The following PCDHA6 variants were observed in gnomAD, a reference collection of about 807,000 sequenced individuals.
The protein encoded by PCDHA6 is protocadherin alpha 6.
A neutral mutation model predicts 60.3 loss-of-function variants in PCDHA6; 55 were observed. The observed-to-expected ratio is 0.91, with a 90% CI of 0.73 to 1.14. The LOEUF is 1.14. Among genes scored for constraint, PCDHA6 ranks in the 50% most tolerant of loss-of-function variants. The pLI is 0.00. For missense variants in PCDHA6, 1,327 were observed against 1,256.5 expected (o/e 1.06, Z -0.85); for synonymous variants, 652 against 557.9 (o/e 1.17, Z -2.38).
At chr5:140,956,717 A>C (rs2153710827) in intron 1 of PCDHA6, among the ~76,000 whole-genome samples, 1 of 152,308 alleles carries the variant, frequency 6.6e-6, no homozygotes. Flanking sequence ...CTTCAGAAGA[A>C]TTGGTACCAG....
At chr5:140,905,333 T>A (rs180881008) in intron 1 of PCDHA6, among the ~76,000 whole-genome samples, 2 of 152,324 alleles carry the variant, frequency 1.3e-5, no homozygotes, top group Admixed American at 1.3e-4. Flanking sequence ...TTGTTGAAGA[T>A]CAGTTGGCTG....
chr5:140,923,986 G>A (rs1482099424), intron 1 of PCDHA6, among the ~76,000 whole-genome samples: 2 of 152,074 alleles, frequency 1.3e-5, no homozygotes, highest in African/African-American at 2.4e-5. Flanking sequence ...ATCCCTCTAG[G>A]TGCAGCTCAG....
intron 1 of PCDHA6, chr5:140,857,853 A>G (rs782574851): frequency 1.3e-6 from 2 of 1,597,574 alleles, no homozygotes; most frequent in East Asian, 2.2e-5. Flanking sequence ...GACTCTGGAT[A>G]CAACGCGTGG....
chr5:140,898,456 C>G (rs1333861280), intron 1 of PCDHA6, among the ~76,000 whole-genome samples: 2 of 152,134 alleles, frequency 1.3e-5, no homozygotes, highest in African/African-American at 2.4e-5. Flanking sequence ...AATCCTTTCC[C>G]CATTGCTTGT....
At chr5:140,881,147 A>G (rs982102013) in intron 1 of PCDHA6, among the ~76,000 whole-genome samples, 3 of 152,238 alleles carry the variant, frequency 2.0e-5, no homozygotes, top group Non-Finnish European at 4.4e-5. Context: ...ATAACAATAG[A>G]TAAAAGTAAG....
intron 1 of PCDHA6, chr5:140,870,291 G>A (rs372143455): frequency 3.2e-5 from 52 of 1,614,052 alleles, no homozygotes; most frequent in Non-Finnish European, 3.6e-5. Context: ...CCTTCAAGCT[G>A]GTGTCCACCT....
chr5:141,010,006 T>C lies in PCDHA6; in HGVS notation c.*69T>C. The stretch of plus-strand genomic sequence containing the variant: ...ATGGCAAATCTCTCCCATGTAGCAA[T>C]TCCCTGCTCCTTTTTCCTATCTACA... On this transcript the variant is annotated 3_prime_UTR_variant, in exon 4 of 4. Transcript: ENST00000529310. 1 of 1,572,424 alleles carries C rather than the reference T, an allele frequency of 6.4e-7. No individual in the cohort carries two copies. Among genetic ancestry groups the C allele is most frequent in the Non-Finnish European group, 8.6e-7 (1 of 1,163,442 alleles).
intron 1 of PCDHA6, chr5:140,877,946 C>A: frequency 7.4e-7 from 1 of 1,349,556 alleles, no homozygotes; most frequent in Non-Finnish European, 9.7e-7. Flanking sequence ...TTTAAACTAT[C>A]GAATGTCTCA....
intron 1 of PCDHA6, among the ~76,000 whole-genome samples, chr5:140,954,919 C>T (rs246021): frequency 4.6e-5 from 7 of 151,890 alleles, no homozygotes; most frequent in African/African-American, 1.7e-4. Flanking sequence ...TTATGAATTA[C>T]GTCTTTAATT....
chr5:140,846,269 G>T (rs1676658281), intron 1 of PCDHA6, among the ~76,000 whole-genome samples: 1 of 148,838 alleles, frequency 6.7e-6, no homozygotes, highest in Admixed American at 6.7e-5. Context: ...ATGATTTAAA[G>T]TCAATTTATG....
chr5:140,857,882 T>A, intron 1 of PCDHA6: 1 of 1,597,334 alleles, frequency 6.3e-7, no homozygotes, highest in Non-Finnish European at 8.6e-7. Flanking sequence ...TGAATTGCAG[T>A]CGGCGGCGGT....
chr5:140,982,286 A>C, intron 2 of PCDHA6, 189 bp from the exon 3 acceptor site: 1 of 1,075,236 alleles, frequency 9.3e-7, no homozygotes, highest in Non-Finnish European at 1.3e-6. Flanking sequence ...GCAGGCAATA[A>C]GTAAGTCAGC....
At chr5:140,957,029 T>G (rs782472701) in intron 1 of PCDHA6, among the ~76,000 whole-genome samples, 4 of 152,190 alleles carry the variant, frequency 2.6e-5, no homozygotes, top group African/African-American at 4.8e-5. Flanking sequence ...TTTAGATATT[T>G]ATGGGAGTCA....
At chr5:140,853,227 T>C in intron 1 of PCDHA6, 1 of 983,234 alleles carries the variant, frequency 1.0e-6, no homozygotes, top group Non-Finnish European at 1.2e-6. Context: ...GATTGGTAAT[T>C]TAGTCCTTCA....
chr5:140,883,865 T>C, intron 1 of PCDHA6: 2 of 1,613,076 alleles, frequency 1.2e-6, no homozygotes, highest in East Asian at 2.2e-5. Flanking sequence ...GCTGTTGCAG[T>C]TCCAGGTGAG....
chr5:140,828,903 A>C lies in PCDHA6; in HGVS notation c.812A>C (p.Glu271Ala). 6.2e-7 allele frequency: 1 copy of C among 1,614,256 alleles called. No homozygotes were observed. ...VIRLNASDRD[E>A]GANGAISYSF... ...AGACTGAATGCTTCTGATCGGGATG[A>C]AGGAGCGAATGGGGCAATTTCATAT... Residue 271 changes from glutamate (E) to alanine (A), a missense_variant, in exon 1 of 4, where the codon GAA becomes GCA. Transcript: ENST00000529310.
Position 140,836,160 on chromosome 5 carries a change from A to G in PCDHA6, c.2394+5675A>G, listed in dbSNP as rs1774254627. On this transcript the variant is annotated intron_variant, in intron 1 of 3. Transcript: ENST00000529310. ...TGTGGGCGCGGGCCATGTGGTGGCG[A>G]AGGTACGTGCAGTTGACGCTGACTC... 6.2e-7 allele frequency: 1 copy of G among 1,613,780 alleles called. No homozygotes were observed. The highest frequency in any genetic ancestry group is 1.7e-5 in the Admixed American group (1 of 60,020).
chr5:140,934,741 T>TATG (rs2090025323), intron 1 of PCDHA6, among the ~76,000 whole-genome samples: 1 of 152,144 alleles, frequency 6.6e-6, no homozygotes, highest in Non-Finnish European at 1.5e-5. Flanking sequence ...TAGGTGTCAT[T>TATG]ATGAACTCAT....
At chr5:140,835,998 G>C in intron 1 of PCDHA6, 1 of 1,613,382 alleles carries the variant, frequency 6.2e-7, no homozygotes, top group African/African-American at 1.3e-5. Flanking sequence ...GAGCGCGCGC[G>C]ATGCGGGCGT....
Sources: allele counts gnomAD v4.1 joint callset (sites outside exome capture counted in the v4.1 genomes callset), GRCh38; gene constraint gnomAD v4.1.1; transcripts MANE v1.5; gene names NCBI Gene and HGNC (gene_info 2026-07-23, HGNC 2026-07-21).